Variants in VPS13D observed in about 807,000 individuals in gnomAD.
The protein encoded by VPS13D is intermembrane lipid transfer protein VPS13D.
In VPS13D, 187 loss-of-function variants were observed where a neutral mutation model predicts 461.9. The ratio of observed to expected loss-of-function variants is 0.40; its 90% CI spans 0.36 to 0.46. The LOEUF is 0.46. Ranked by LOEUF, VPS13D falls within the 20% of genes least tolerant of loss-of-function variation. The pLI is 0.60. For synonymous variants in VPS13D, 1,951 were observed against 1,986.3 expected (o/e 0.98, Z 0.47); for missense variants, 4,711 against 5,364.9 (o/e 0.88, Z 3.81).
At chr1:12,455,715 T>C (rs1205310114) in intron 65 of VPS13D, among the ~76,000 whole-genome samples, 2 of 152,054 alleles carry the variant, frequency 1.3e-5, no homozygotes, top group Non-Finnish European at 2.9e-5. Context: ...GGTCAGGAGT[T>C]CGAGACTAGC....
chr1:12,276,992 A>C lies in VPS13D; in HGVS notation c.3404A>C (p.Asp1135Ala), dbSNP rs770676828. 4 of 1,614,172 alleles carry C rather than the reference A, an allele frequency of 2.5e-6. No homozygotes were observed. Among genetic ancestry groups the C allele is most frequent in the Non-Finnish European group, 3.4e-6 (4 of 1,180,032 alleles). The change falls in exon 19 of 70, where the codon GAT becomes GCT. Residue 1135 changes from aspartate to alanine, a missense_variant. Physicochemically the swap from Asp to Ala is moderately radical, Grantham distance 126 (BLOSUM62 -2). Transcript: ENST00000620676. This position sits in a 1 kb window ranked among gnomAD's most constrained non-coding sequence, Gnocchi z 4.5. ...CAAAAATCCTTTCCCAAGGAAAAAG[A>C]TGATTTAAGTCCTCAACCTTTAATG... ...FLQKSFPKEK[D>A]DLSPQPLMTD...
intron 68 of VPS13D, among the ~76,000 whole-genome samples, chr1:12,498,874 T>C (rs1645997010): frequency 6.6e-6 from 1 of 152,202 alleles, no homozygotes; most frequent in South Asian, 2.1e-4. Flanking sequence ...CCCAACCTTA[T>C]GACTTAATTT....
chr1:12,420,957 A>G (rs1402450400), intron 65 of VPS13D, among the ~76,000 whole-genome samples: 2 of 152,212 alleles, frequency 1.3e-5, no homozygotes, highest in East Asian at 1.9e-4. Context: ...TTTCAGGTCT[A>G]TAGTGTATCC....
chr1:12,278,919 G>T (rs1002861099), intron 19 of VPS13D, among the ~76,000 whole-genome samples: 1 of 152,212 alleles, frequency 6.6e-6, no homozygotes, highest in African/African-American at 2.4e-5. Context: ...CAGAGATCAG[G>T]TAAGTCCTAG....
At chr1:12,347,281 T>C (rs1569966504) in intron 44 of VPS13D, among the ~76,000 whole-genome samples, 1 of 152,104 alleles carries the variant, frequency 6.6e-6, no homozygotes, top group Non-Finnish European at 1.5e-5. Context: ...AGCAATTCTC[T>C]TGCCTCAGCC....
chr1:12,479,768 C>G (rs938480426), intron 67 of VPS13D, among the ~76,000 whole-genome samples: 1 of 152,106 alleles, frequency 6.6e-6, no homozygotes, highest in East Asian at 1.9e-4. Context: ...TACTTCCTTT[C>G]GATTCTTGGA....
At position 12,321,653 on chromosome 1, in the gene VPS13D, G is replaced by A. The variant is rs76134606; in HGVS notation, c.7549-156G>A. Among the ~76,000 whole-genome samples the A allele has an allele frequency of 0.028, 4,250 of 152,184 alleles. 107 individuals carry two copies. The highest frequency in any genetic ancestry group is 0.06 in the African/African-American group (2,490 of 41,510). On this transcript the variant is annotated intron_variant, in intron 32 of 69. Coordinates refer to ENST00000620676, the MANE Select transcript of VPS13D (RefSeq NM_015378.4). ...CACTGCGTGTGCTCTCGGCAGCGGT[G>A]GGGGGCTTCACTCTTCACAGTATTT...
intron 63 of VPS13D, among the ~76,000 whole-genome samples, chr1:12,409,223 G>A (rs1440737748): frequency 6.6e-6 from 1 of 152,066 alleles, no homozygotes; most frequent in Non-Finnish European, 1.5e-5. Flanking sequence ...GTAACAAACT[G>A]TAGAAATGAT....
intron 37 of VPS13D, among the ~76,000 whole-genome samples, chr1:12,330,691 C>T (rs182372540): frequency 3.9e-5 from 6 of 152,092 alleles, no homozygotes; most frequent in East Asian, 3.9e-4. Flanking sequence ...CTCAGCCTCC[C>T]GAGTAGCTGG....
intron 46 of VPS13D, among the ~76,000 whole-genome samples, chr1:12,353,431 G>T (rs1216075811): frequency 6.6e-6 from 1 of 151,326 alleles, no homozygotes; most frequent in Non-Finnish European, 1.5e-5. Flanking sequence ...TACTCGGAAG[G>T]CTGAGGCTGA....
At chr1:12,378,790 A>G (rs1336686682) in intron 56 of VPS13D, among the ~76,000 whole-genome samples, 199 bp downstream of exon 56, 1 of 152,248 alleles carries the variant, frequency 6.6e-6, no homozygotes, top group Non-Finnish European at 1.5e-5. Context: ...ATACCCATGC[A>G]GATGTTAAGA....
At chr1:12,230,283 G>A (rs1639918026) in intron 1 of VPS13D, among the ~76,000 whole-genome samples, 163 bp downstream of exon 1, 1 of 152,092 alleles carries the variant, frequency 6.6e-6, no homozygotes, top group Admixed American at 6.5e-5. Flanking sequence ...TCCGGCCTCG[G>A]TCTGAGCCCC....
In VPS13D at chr1:12,311,590, A is replaced by G. The variant is rs755560930; in HGVS notation, c.6787A>G (p.Met2263Val). 2 of 1,614,218 alleles carry G rather than the reference A, an allele frequency of 1.2e-6. No individual in the cohort carries two copies. The highest frequency in any genetic ancestry group is 1.1e-5 in the South Asian group (1 of 91,086). ...NNLGEPIEEF[M>V]RPYDLQDPRI... ...CCTGGGAGAACCCATAGAGGAATTT[A>G]TGCGGCCTTATGATTTACAAGATCC... Residue 2263 changes from methionine to valine, a missense_variant, in exon 28 of 70, where the codon ATG becomes GTG. Physicochemically the swap from Met to Val is conservative, Grantham distance 21. Transcript: ENST00000620676.
intron 60 of VPS13D, among the ~76,000 whole-genome samples, chr1:12,396,383 A>G (rs972110769): frequency 5.3e-5 from 8 of 152,126 alleles, no homozygotes; most frequent in Non-Finnish European, 1.0e-4. Flanking sequence ...CAAGTTTTTT[A>G]TTAACTTTCG....
intron 57 of VPS13D, among the ~76,000 whole-genome samples, chr1:12,379,898 A>T (rs965313320): frequency 6.6e-6 from 1 of 151,830 alleles, no homozygotes; most frequent in African/African-American, 2.4e-5. Flanking sequence ...CCTCCCGAGT[A>T]GCTGGGACTA....
Position 12,283,299 on chromosome 1 carries a change from C to T in VPS13D, c.5197C>T (p.Pro1733Ser). ...TCTCCCTTCCCACATGGAAGAAGCT[C>T]CTAATGTCTTCCAGTTGTATCAAAG... is the stretch of plus-strand genomic sequence containing the variant. ...RSLPSHMEEA[P>S]NVFQLYQRPT... Residue 1733 changes from proline (P) to serine (S), a missense_variant, in exon 21 of 70, where the codon CCT becomes TCT. Transcript: ENST00000620676. 1 of 1,614,132 alleles carries T rather than the reference C, an allele frequency of 6.2e-7. No individual in the cohort carries two copies. Among genetic ancestry groups the T allele is most frequent in the Admixed American group, 1.7e-5 (1 of 60,008 alleles).
chr1:12,266,310 G>C (rs1641266189), intron 13 of VPS13D, among the ~76,000 whole-genome samples: 1 of 152,244 alleles, frequency 6.6e-6, no homozygotes, highest in South Asian at 2.1e-4. Flanking sequence ...TTATCAAACA[G>C]CATCACCTGC....
chr1:12,332,629 G>T (rs1029971757), intron 37 of VPS13D, among the ~76,000 whole-genome samples: 1 of 152,118 alleles, frequency 6.6e-6, no homozygotes, highest in South Asian at 2.1e-4. Context: ...GGTGGGAGAG[G>T]GTTGGTGGGA....
chr1:12,337,719 T>A (rs1443332425), intron 39 of VPS13D: 1 of 152,370 alleles, frequency 6.6e-6, no homozygotes, highest in Non-Finnish European at 1.5e-5. Context: ...AGAATTTAAA[T>A]AAACACTATG....
Sources: gnomAD v4.1 joint callset for allele counts (sites outside exome capture counted in the v4.1 genomes callset) on GRCh38, gnomAD v4.1.1 for gene constraint, Gnocchi (gnomAD v3.1) non-coding constraint, MANE v1.5 for transcripts, NCBI Gene and HGNC (gene_info 2026-07-23, HGNC 2026-07-21) for gene names.